PLCE1: variants seen among roughly 807,000 people sequenced by gnomAD.
PLCE1 encodes phospholipase C epsilon 1.
PLCE1 carries 119 observed loss-of-function variants against 242.8 expected under a neutral mutation model. The observed-to-expected ratio is 0.49, with a 90% CI of 0.42 to 0.57. The LOEUF (loss-of-function observed/expected upper bound fraction) is 0.57. PLCE1 is among the 20% of genes least tolerant of loss of function. The pLI is 0.00. For synonymous variants in PLCE1, 945 were observed against 1,017.4 expected (o/e 0.93, Z 1.35); for missense variants, 2,441 against 2,788.8 (o/e 0.88, Z 2.81).
intron 2 of PLCE1, among the ~76,000 whole-genome samples, chr10:94,112,611 T>G (rs745459713): frequency 2.0e-5 from 3 of 152,180 alleles, no homozygotes; most frequent in Non-Finnish European, 4.4e-5. Context: ...GGGGAAACTT[T>G]AAAAGATATA....
At chr10:94,138,715 G>A (rs184700702) in intron 3 of PLCE1, 1 of 273,236 alleles carries the variant, frequency 3.7e-6, no homozygotes, top group Admixed American at 4.6e-5. Context: ...CTGTGGCCCT[G>A]GACACAGAGA....
At chr10:94,148,060 G>A (rs1249141494) in intron 3 of PLCE1, among the ~76,000 whole-genome samples, 1 of 152,136 alleles carries the variant, frequency 6.6e-6, no homozygotes, top group Non-Finnish European at 1.5e-5. Context: ...TATAGAAACT[G>A]CATGATCTGG....
At chr10:94,008,932 G>C (rs1207608278) in intron 1 of PLCE1, among the ~76,000 whole-genome samples, 2 of 152,176 alleles carry the variant, frequency 1.3e-5, no homozygotes, top group Non-Finnish European at 2.9e-5. Flanking sequence ...TGGAACCATG[G>C]ATGGGTGCTA....
chr10:94,185,071 A>T (rs576162539), intron 4 of PLCE1, among the ~76,000 whole-genome samples: 1 of 152,378 alleles, frequency 6.6e-6, no homozygotes, highest in South Asian at 2.1e-4. Flanking sequence ...TTCAAGGCAT[A>T]CAAGACATAA....
rs951085812 is a variant in PLCE1 at position 94,029,842 on chromosome 10, C to T, written c.-364-841C>T. 1.6e-4 allele frequency among the ~76,000 whole-genome samples: 25 copies of T among 152,094 alleles called. 1 individual carries two copies. Among genetic ancestry groups the T allele is most frequent in the Non-Finnish European group, 1.3e-4 (9 of 68,006 alleles). On this transcript the variant is annotated intron_variant, in intron 1 of 32. Coordinates refer to ENST00000371380, the MANE Select transcript of PLCE1 (RefSeq NM_016341.4). Reference sequence around the variant, plus strand: ...GAGCGTGACTGCTGATTAGTTTTCTCGGGAGCAACTGCTTCTCCTGGAAGG... The same window carrying T: ...GAGCGTGACTGCTGATTAGTTTTCTTGGGAGCAACTGCTTCTCCTGGAAGG...
At chr10:94,149,686 C>A (rs1484749204) in intron 3 of PLCE1, among the ~76,000 whole-genome samples, 1 of 152,148 alleles carries the variant, frequency 6.6e-6, no homozygotes, top group Non-Finnish European at 1.5e-5. Flanking sequence ...TGGTCTCATT[C>A]AGTTTCAAGG....
chr10:94,251,466 T>C (rs1195606618), intron 8 of PLCE1, among the ~76,000 whole-genome samples: 2 of 152,170 alleles, frequency 1.3e-5, no homozygotes, highest in African/African-American at 2.4e-5. Flanking sequence ...TTTTGAAGAG[T>C]AAACACAGTA....
At chr10:94,101,465 A>G (rs1451334039) in intron 2 of PLCE1, among the ~76,000 whole-genome samples, 2 of 152,194 alleles carry the variant, frequency 1.3e-5, no homozygotes, top group Non-Finnish European at 2.9e-5. Flanking sequence ...TATTGAGTAG[A>G]TAAAGAATTT....
chr10:94,007,064 A>G (rs2061053244), intron 1 of PLCE1, among the ~76,000 whole-genome samples: 1 of 152,176 alleles, frequency 6.6e-6, no homozygotes, highest in Non-Finnish European at 1.5e-5. Context: ...GTGTTGATAA[A>G]GAGGACTATG....
rs1181324206 is a variant in PLCE1 at position 94,232,339 on chromosome 10, T to C, written c.1956-1715T>C. On this transcript the variant is annotated intron_variant, in intron 5 of 32. Coordinates refer to ENST00000371380, the MANE Select transcript of PLCE1 (RefSeq NM_016341.4). ...TTCAATATATATCTTCTTCCCTTCCTTACGTTTCACAACCCAACCAGTCTC... is the reference window on the plus strand; with the variant it reads ...TTCAATATATATCTTCTTCCCTTCCCTACGTTTCACAACCCAACCAGTCTC... Among the ~76,000 whole-genome samples, 5 of 152,224 alleles carry C rather than the reference T, an allele frequency of 3.3e-5. No individual in the cohort carries two copies. The East Asian group carries it at 5.8e-4, about 18-fold the overall frequency.
chr10:94,280,093 A>C, intron 20 of PLCE1, 182 bp downstream of exon 20: 1 of 646,528 alleles, frequency 1.5e-6, no homozygotes, highest in Non-Finnish European at 2.7e-6. Context: ...TCTGTTAGCC[A>C]ACACTTACAG....
chr10:93,999,069 G>A (rs1316305040), intron 1 of PLCE1, among the ~76,000 whole-genome samples: 1 of 152,132 alleles, frequency 6.6e-6, no homozygotes, highest in Non-Finnish European at 1.5e-5. Flanking sequence ...TGGCACATTG[G>A]TATTATTTAA....
chr10:94,143,557 T>C (rs1379496122), intron 3 of PLCE1, among the ~76,000 whole-genome samples: 1 of 152,206 alleles, frequency 6.6e-6, no homozygotes, highest in Non-Finnish European at 1.5e-5. Context: ...TGTGGGTCAG[T>C]AGCAAATACT....
chr10:94,266,694 T>C (rs1055645986), intron 16 of PLCE1, among the ~76,000 whole-genome samples: 1 of 152,212 alleles, frequency 6.6e-6, no homozygotes, highest in African/African-American at 2.4e-5. Flanking sequence ...AAGTGTGTCA[T>C]TGTGTGCACA....
At chr10:94,317,705 G>A (rs2053624527) in intron 29 of PLCE1, among the ~76,000 whole-genome samples, 1 of 152,118 alleles carries the variant, frequency 6.6e-6, no homozygotes, top group African/African-American at 2.4e-5. Context: ...AAACTGATTG[G>A]CTCCTGTTTG....
intron 2 of PLCE1, chr10:94,108,293 G>A (rs1432948383): frequency 6.6e-6 from 1 of 152,316 alleles, no homozygotes; most frequent in Admixed American, 6.5e-5. Flanking sequence ...GGAAGAGTCA[G>A]GGAGGCCAGG....
chr10:94,179,530 T>TTTTTTTTTTTTTTTGA (rs10636243), intron 4 of PLCE1, among the ~76,000 whole-genome samples: 5 of 118,826 alleles, frequency 4.2e-5, no homozygotes, highest in African/African-American at 1.3e-4. Flanking sequence ...TTTTTTTTTT[T>TTTTTTTTTTTTTTTGA]GACAGGGTCT....
chr10:94,126,470 T>A (rs1424221739), intron 2 of PLCE1, among the ~76,000 whole-genome samples: 1 of 152,216 alleles, frequency 6.6e-6, no homozygotes, highest in Non-Finnish European at 1.5e-5. Flanking sequence ...GCCTTCCCCA[T>A]GAAAATGAAG....
At chr10:94,190,606 A>C (rs1180309070) in intron 4 of PLCE1, among the ~76,000 whole-genome samples, 1 of 152,236 alleles carries the variant, frequency 6.6e-6, no homozygotes, top group African/African-American at 2.4e-5. Context: ...ACCCTAACTC[A>C]AAAAACAACA....
Sources: allele counts gnomAD v4.1 joint callset (sites outside exome capture counted in the v4.1 genomes callset), GRCh38; gene constraint gnomAD v4.1.1; transcripts MANE v1.5; gene names NCBI Gene and HGNC (gene_info 2026-07-23, HGNC 2026-07-21).